RALYL: variants seen among roughly 807,000 people sequenced by gnomAD.
RALYL encodes the protein RALY RNA binding protein like.
A neutral mutation model predicts 35.1 loss-of-function variants in RALYL; 29 were observed. That is an observed-to-expected ratio of 0.83 (90% CI 0.61 to 1.13). The LOEUF is 1.13. Ranked by LOEUF, RALYL falls within the 50% of genes most tolerant of loss-of-function variation. The pLI is 0.00. For synonymous variants in RALYL, 120 were observed against 127.6 expected (o/e 0.94, Z 0.40); for missense variants, 359 against 360.4 (o/e 1.00, Z 0.03).
At chr8:84,902,587 C>A (rs16913422) in intron 8 of RALYL, among the ~76,000 whole-genome samples, 6,272 of 152,216 alleles carry the variant, frequency 0.041, 446 homozygotes, top group African/African-American at 0.14. Flanking sequence ...ATTCACCAGG[C>A]CTCCAAATAG....
chr8:84,402,086 A>G (rs2042975875), intron 1 of RALYL, among the ~76,000 whole-genome samples: 1 of 152,214 alleles, frequency 6.6e-6, no homozygotes, highest in South Asian at 2.1e-4. Flanking sequence ...ATTGAGAAAA[A>G]TGGTACTGGC....
rs11340323 is a variant in RALYL at position 84,308,362 on chromosome 8, T to TA, written c.-24+123948dup. Reference sequence around the variant, plus strand: ...TAAGAGACTTATTATATATCTTAATTAAAAAAAAAATTATTTAAAACAGTC... The same window carrying TA: ...TAAGAGACTTATTATATATCTTAATTAAAAAAAAAAATTATTTAAAACAGTC... On this transcript the variant is annotated intron_variant, in intron 1 of 8. Transcript: ENST00000521268. 4.6e-4 allele frequency among the ~76,000 whole-genome samples: 69 copies of TA among 150,708 alleles called. No homozygotes were observed. The South Asian group carries it at 6.5e-3, about 14-fold the overall frequency.
At position 84,401,130 on chromosome 8, in the gene RALYL, C is replaced by G. The variant is rs138461906; in HGVS notation, c.-23-128169C>G. On this transcript the variant is annotated intron_variant, in intron 1 of 8. Coordinates refer to ENST00000521268, the MANE Select transcript of RALYL (RefSeq NM_173848.7). ...TCACTGAGACTGATTAATCATATTC[C>G]TGTCAGCTCTAAAATTCAGCAGCTC... 4.8e-3 allele frequency among the ~76,000 whole-genome samples: 724 copies of G among 152,198 alleles called. 7 individuals are homozygous for G. Among genetic ancestry groups the G allele is most frequent in the African/African-American group, 0.017 (704 of 41,530 alleles).
At chr8:84,292,413 G>A (rs1366711632) in intron 1 of RALYL, among the ~76,000 whole-genome samples, 1 of 152,112 alleles carries the variant, frequency 6.6e-6, no homozygotes, top group Admixed American at 6.6e-5. Flanking sequence ...TTATAAAAGG[G>A]AGGGGAGAAA....
chr8:84,263,763 G>T (rs970015277), intron 1 of RALYL, among the ~76,000 whole-genome samples: 5 of 151,774 alleles, frequency 3.3e-5, no homozygotes, highest in African/African-American at 1.2e-4. Flanking sequence ...ATCCTTCCCC[G>T]ACCTCACCCC....
chr8:84,390,161 T>C (rs925425058), intron 1 of RALYL, among the ~76,000 whole-genome samples: 3 of 152,204 alleles, frequency 2.0e-5, no homozygotes, highest in African/African-American at 7.2e-5. Flanking sequence ...TTTGCATATA[T>C]TGAACCAGCC....
intron 2 of RALYL, among the ~76,000 whole-genome samples, chr8:84,556,658 G>A (rs963763538): frequency 6.6e-6 from 1 of 151,994 alleles, no homozygotes; most frequent in Non-Finnish European, 1.5e-5. Context: ...GTCAGTATTG[G>A]CCATGAAACT....
intron 2 of RALYL, among the ~76,000 whole-genome samples, chr8:84,728,958 G>A (rs1171474982): frequency 6.6e-6 from 1 of 152,100 alleles, no homozygotes; most frequent in Non-Finnish European, 1.5e-5. Context: ...AGCAATGTGG[G>A]CTCTTTTTTG....
At chr8:84,248,735 G>A (rs1829619745) in intron 1 of RALYL, among the ~76,000 whole-genome samples, 1 of 152,032 alleles carries the variant, frequency 6.6e-6, no homozygotes, top group Non-Finnish European at 1.5e-5. Flanking sequence ...TGAAATCTGT[G>A]CATTATTCAA....
chr8:84,668,300 A>C (rs1832480834), intron 2 of RALYL, among the ~76,000 whole-genome samples: 1 of 152,196 alleles, frequency 6.6e-6, no homozygotes, highest in Non-Finnish European at 1.5e-5. Context: ...CCAGAACAAG[A>C]AAGTAATAAA....
intron 2 of RALYL, among the ~76,000 whole-genome samples, chr8:84,561,724 G>C (rs2061480674): frequency 6.6e-6 from 1 of 151,908 alleles, no homozygotes; most frequent in Admixed American, 6.6e-5. Flanking sequence ...TGGCCACTAA[G>C]AGACTAACGG....
At chr8:84,682,491 G>A (rs113455052) in intron 2 of RALYL, among the ~76,000 whole-genome samples, 1 of 152,054 alleles carries the variant, frequency 6.6e-6, no homozygotes, top group East Asian at 1.9e-4. Flanking sequence ...TGGTTGGTAG[G>A]CTATTAATTA....
chr8:84,679,788 G>A, intron 2 of RALYL: 1 of 501,352 alleles, frequency 2.0e-6, no homozygotes, highest in South Asian at 1.5e-5. Context: ...CAGGGAAATT[G>A]GATAGAAAGA....
intron 4 of RALYL, among the ~76,000 whole-genome samples, chr8:84,818,211 A>G (rs1827793031): frequency 1.3e-5 from 2 of 152,318 alleles, no homozygotes; most frequent in Admixed American, 1.3e-4. Context: ...TAAAATATGG[A>G]GTACAATATT....
intron 8 of RALYL, among the ~76,000 whole-genome samples, chr8:84,902,952 G>T (rs1257676279): frequency 3.3e-5 from 5 of 152,266 alleles, no homozygotes; most frequent in African/African-American, 1.2e-4. Context: ...TGATTTGGTG[G>T]CTCATGCCTG....
chr8:84,279,098 A>C (rs1176421668), intron 1 of RALYL, among the ~76,000 whole-genome samples: 4 of 152,178 alleles, frequency 2.6e-5, no homozygotes, highest in Non-Finnish European at 5.9e-5. Context: ...AAGGAGAAGC[A>C]AAAGCATGGC....
At chr8:84,490,397 A>G (rs2055153032) in intron 1 of RALYL, among the ~76,000 whole-genome samples, 1 of 152,030 alleles carries the variant, frequency 6.6e-6, no homozygotes, top group African/African-American at 2.4e-5. Context: ...GTGAAATAAA[A>G]AAGAATATGC....
chr8:84,442,804 C>T (rs991665861), intron 1 of RALYL, among the ~76,000 whole-genome samples: 2 of 152,112 alleles, frequency 1.3e-5, no homozygotes, highest in Non-Finnish European at 2.9e-5. Flanking sequence ...ATGCTACAGA[C>T]GTACCAATCT....
intron 1 of RALYL, among the ~76,000 whole-genome samples, chr8:84,414,724 C>G (rs529758236): frequency 8.6e-5 from 13 of 151,284 alleles, no homozygotes; most frequent in Non-Finnish European, 1.9e-4. Context: ...GTTTGTGTGT[C>G]TGTTTGCATT....
Sources: gnomAD v4.1 joint callset for allele counts (sites outside exome capture counted in the v4.1 genomes callset) on GRCh38, gnomAD v4.1.1 for gene constraint, MANE v1.5 for transcripts, NCBI Gene and HGNC (gene_info 2026-07-23, HGNC 2026-07-21) for gene names.